Variants in PPP1R16B observed in about 807,000 individuals in gnomAD.
The protein encoded by PPP1R16B is protein phosphatase 1 regulatory subunit 16B.
Under a neutral mutation model 61.7 loss-of-function variants are expected in PPP1R16B, and 14 were observed. The ratio of observed to expected loss-of-function variants is 0.23; its 90% CI spans 0.15 to 0.35. PPP1R16B has a LOEUF of 0.35. Among genes scored for constraint, PPP1R16B ranks in the 10% least tolerant of loss-of-function variants. The probability of loss-of-function intolerance (pLI) is 1.00; values close to 1 mark genes in which losing one functional copy is unlikely to be tolerated. For synonymous variants in PPP1R16B, 266 were observed against 305.3 expected (o/e 0.87, Z 1.34); for missense variants, 547 against 752.5 (o/e 0.73, Z 3.19).
At chr20:38,889,722 C>T (rs535894793) in intron 3 of PPP1R16B, 57 bp downstream of exon 3, 6 of 1,500,254 alleles carry the variant, frequency 4.0e-6, no homozygotes, top group East Asian at 2.3e-5. Context: ...GGACAGGTAC[C>T]CTGTTTCTCG....
chr20:38,835,662 C>G (rs923222020), intron 1 of PPP1R16B, among the ~76,000 whole-genome samples, 163 bp from the exon 2 acceptor site: 2 of 152,252 alleles, frequency 1.3e-5, no homozygotes, highest in Admixed American at 1.3e-4. Context: ...ATAGCCAGAC[C>G]TTGCTGATAC....
intron 2 of PPP1R16B, among the ~76,000 whole-genome samples, chr20:38,879,202 T>C (rs895181561): frequency 6.6e-6 from 1 of 152,224 alleles, no homozygotes; most frequent in East Asian, 1.9e-4. Context: ...TGTTTCTGGA[T>C]AAGGGGGACC....
chr20:38,900,722 C>A, intron 5 of PPP1R16B, 38 bp downstream of exon 5: 1 of 1,446,346 alleles, frequency 6.9e-7, no homozygotes, highest in Non-Finnish European at 9.3e-7. Context: ...GAGCACAGCA[C>A]AGAGTTGCAG....
At chr20:38,835,213 C>T (rs1278667241) in intron 1 of PPP1R16B, among the ~76,000 whole-genome samples, 1 of 152,220 alleles carries the variant, frequency 6.6e-6, no homozygotes, top group Non-Finnish European at 1.5e-5. Context: ...GTACAACTTG[C>T]ATCCCATAGT....
chr20:38,851,352 C>G (rs181242203), intron 2 of PPP1R16B, among the ~76,000 whole-genome samples: 80 of 151,426 alleles, frequency 5.3e-4, no homozygotes, highest in African/African-American at 1.7e-3. Flanking sequence ...GTAATCCCAG[C>G]TACTCAGGAG....
intron 2 of PPP1R16B, among the ~76,000 whole-genome samples, chr20:38,848,026 A>T (rs943954154): frequency 1.3e-5 from 2 of 152,062 alleles, no homozygotes; most frequent in Non-Finnish European, 2.9e-5. Context: ...TTGTAAATAA[A>T]GTTTTATTGG....
At chr20:38,816,699 A>C (rs191491254) in intron 1 of PPP1R16B, among the ~76,000 whole-genome samples, 3 of 152,350 alleles carry the variant, frequency 2.0e-5, no homozygotes, top group Admixed American at 6.5e-5. Context: ...CAACTGAATC[A>C]GCGCTGTGGA....
chr20:38,889,726 T>TTTC, intron 3 of PPP1R16B, 61 bp downstream of exon 3: 2 of 1,487,278 alleles, frequency 1.3e-6, no homozygotes, highest in Non-Finnish European at 1.9e-6. Context: ...AGGTACCCTG[T>TTTC]TTCTCGGCAC....
intron 2 of PPP1R16B, among the ~76,000 whole-genome samples, chr20:38,847,293 G>T (rs189067775): frequency 2.0e-4 from 30 of 152,284 alleles, no homozygotes; most frequent in African/African-American, 6.7e-4. Flanking sequence ...AGACAGTTAA[G>T]GTTGAATACC....
At chr20:38,893,155 G>T (rs6071621) in intron 3 of PPP1R16B, among the ~76,000 whole-genome samples, 12,570 of 152,214 alleles carry the variant, frequency 0.083, 734 homozygotes, top group Non-Finnish European at 0.11. Flanking sequence ...CATGGCCAAA[G>T]CTTAGCAAGC....
chr20:38,876,065 C>T (rs186802693), intron 2 of PPP1R16B, among the ~76,000 whole-genome samples: 9 of 151,408 alleles, frequency 5.9e-5, no homozygotes, highest in East Asian at 1.9e-4. Context: ...CTCCGCCTCC[C>T]GGGTTCGGGC....
At chr20:38,866,980 A>T (rs144048330) in intron 2 of PPP1R16B, among the ~76,000 whole-genome samples, 52 of 152,134 alleles carry the variant, frequency 3.4e-4, no homozygotes, top group Non-Finnish European at 6.3e-4. Context: ...CTATGGATTT[A>T]TCTGTTCTGG....
chr20:38,881,610 C>G (rs1182998262), intron 2 of PPP1R16B, among the ~76,000 whole-genome samples: 2 of 152,216 alleles, frequency 1.3e-5, no homozygotes, highest in Admixed American at 6.5e-5. Context: ...GGGAGACCGA[C>G]AGAGGTGGCG....
At position 38,905,991 on chromosome 20, in the gene PPP1R16B, G is replaced by A. The variant is rs780933780; in HGVS notation, c.719G>A (p.Gly240Glu). The change falls in exon 7 of 11, where the codon GGA becomes GAA. Residue 240 changes from glycine (G) to glutamate (E), a missense_variant. Gly to Glu is a moderately conservative substitution (Grantham distance 98). Coordinates refer to ENST00000299824, the MANE Select transcript of PPP1R16B (RefSeq NM_015568.4). ...ATLLHIAGAN[G>E]YLRAAELLLD... The stretch of plus-strand genomic sequence containing the variant: ...CAGCTGCACATAGCTGGAGCCAATG[G>A]ATACCTGCGGGCAGCTGAGCTCCTC... 2 of 1,613,492 alleles carry A rather than the reference G, an allele frequency of 1.2e-6. No homozygotes were observed. Among genetic ancestry groups the A allele is most frequent in the Admixed American group, 3.3e-5 (2 of 59,998 alleles).
At chr20:38,911,197 T>C (rs2085486589) in intron 10 of PPP1R16B, among the ~76,000 whole-genome samples, 1 of 148,068 alleles carries the variant, frequency 6.8e-6, no homozygotes, top group African/African-American at 2.5e-5. Flanking sequence ...GATGGAGTCT[T>C]GCTCTGTCCC....
chr20:38,873,269 C>T (rs976120310), intron 2 of PPP1R16B, among the ~76,000 whole-genome samples: 6 of 152,116 alleles, frequency 3.9e-5, no homozygotes, highest in Non-Finnish European at 8.8e-5. Flanking sequence ...GGAAACTTGA[C>T]TGGCTGTGGG....
Position 38,900,654 on chromosome 20 carries a change from G to A in PPP1R16B, c.541G>A (p.Asp181Asn). 6.3e-7 allele frequency: 1 copy of A among 1,593,642 alleles called. No individual in the cohort carries two copies. The highest frequency in any genetic ancestry group is 2.3e-5 in the East Asian group (1 of 43,398). Reference sequence around the variant, plus strand: ...CCTCTGCGAGGATGAACCCACCCTGGATGTCATCGAGACCTGCATGGCATA... The same window carrying A: ...CCTCTGCGAGGATGAACCCACCCTGAATGTCATCGAGACCTGCATGGCATA... ...YDLCEDEPTL[D>N]VIETCMAYQG... The change falls in exon 5 of 11, where the codon GAT (aspartate) becomes AAT (asparagine). Residue 181 changes from aspartate (D) to asparagine (N), a missense_variant. Asp to Asn is a conservative substitution (Grantham distance 23). Transcript: ENST00000299824.
At position 38,827,715 on chromosome 20, in the gene PPP1R16B, G is replaced by T. The variant is rs1221140591; in HGVS notation, c.-101-8110G>T. ...GAATGAGATTAGGGGAGACAACATT[G>T]ATTTCTAATTCAGGTATTTGGAGCA... On this transcript the variant is annotated intron_variant, in intron 1 of 10. Coordinates refer to ENST00000299824, the MANE Select transcript of PPP1R16B (RefSeq NM_015568.4). 5.3e-5 allele frequency among the ~76,000 whole-genome samples: 8 copies of T among 152,266 alleles called. No individual in the cohort carries two copies. The South Asian group carries it at 1.7e-3, about 32-fold the overall frequency.
At chr20:38,848,250 C>T (rs1190840292) in intron 2 of PPP1R16B, among the ~76,000 whole-genome samples, 1 of 152,018 alleles carries the variant, frequency 6.6e-6, no homozygotes, top group Non-Finnish European at 1.5e-5. Context: ...GTTTTTTGGC[C>T]TTATTTAAAT....
Sources: allele counts gnomAD v4.1 joint callset (sites outside exome capture counted in the v4.1 genomes callset), GRCh38; gene constraint gnomAD v4.1.1; transcripts MANE v1.5; gene names NCBI Gene and HGNC (gene_info 2026-07-23, HGNC 2026-07-21).